The following MTX3 variants were observed in gnomAD, a reference collection of about 807,000 sequenced individuals.
The protein encoded by MTX3 is metaxin-3.
A neutral mutation model predicts 42.5 loss-of-function variants in MTX3; 27 were observed. That is an observed-to-expected ratio of 0.64 (90% CI 0.47 to 0.88). MTX3 has a LOEUF of 0.88. Ranked by LOEUF, MTX3 falls within the 40% of genes least tolerant of loss-of-function variation. MTX3 has a pLI of 0.00. For synonymous variants in MTX3, 144 were observed against 132.9 expected (o/e 1.08, Z -0.57); for missense variants, 378 against 367.0 (o/e 1.03, Z -0.25).
chr5:79,985,935 T>C (rs1426271754), intron 7 of MTX3, among the ~76,000 whole-genome samples: 1 of 110,928 alleles, frequency 9.0e-6, no homozygotes, highest in Non-Finnish European at 2.0e-5. Context: ...TTTTTTTTTT[T>C]TTTTGAAAAA....
chr5:79,983,502 C>T lies in MTX3; in HGVS notation c.*182G>A. On this transcript the variant is annotated 3_prime_UTR_variant, in exon 9 of 9. Coordinates refer to ENST00000512528, the MANE Select transcript of MTX3 (RefSeq NM_001363818.2). ...AGCATTCTCTTTGTTATTAAAAATG[C>T]AGTGCCAAGCTAGAATACAAGCTTC... is the stretch of plus-strand genomic sequence containing the variant. 1 of 533,966 alleles carries T rather than the reference C, an allele frequency of 1.9e-6. No homozygotes were observed. Among genetic ancestry groups the T allele is most frequent in the Non-Finnish European group, 3.4e-6 (1 of 297,870 alleles). The allele number at this position is 533,966 out of a possible 1,614,324, so 33.1% of individuals were successfully genotyped here.
chr5:79,989,084 T>G (rs910780668), intron 4 of MTX3, 68 bp downstream of exon 4: 24 of 1,118,358 alleles, frequency 2.1e-5, no homozygotes, highest in Non-Finnish European at 2.9e-5. Flanking sequence ...TCATTGGTTT[T>G]TTTCTAAACA....
chr5:79,981,318 C>G lies in MTX3; in HGVS notation c.*2366G>C, dbSNP rs557185253. 6.6e-6 allele frequency: 1 copy of G among 152,298 alleles called. No individual in the cohort carries two copies. The highest frequency in any genetic ancestry group is 2.1e-4 in the South Asian group (1 of 4,826). 9.4% of individuals were successfully genotyped at this position (152,298 alleles called of 1,614,324 possible). A position where few individuals can be genotyped will look rare whatever the true frequency, so the allele number is the denominator to read the frequency against. On this transcript the variant is annotated 3_prime_UTR_variant, in exon 9 of 9. Coordinates refer to ENST00000512528, the MANE Select transcript of MTX3 (RefSeq NM_001363818.2). The stretch of plus-strand genomic sequence containing the variant: ...AAGTAACCCAACATATAAACTCTCA[C>G]TAAACTCACATGTTGCATCTTAGAA...
At chr5:79,987,806 T>C (rs1831532538) in intron 6 of MTX3, among the ~76,000 whole-genome samples, 1 of 152,176 alleles carries the variant, frequency 6.6e-6, no homozygotes, top group African/African-American at 2.4e-5. Context: ...GCCCATTAAA[T>C]TTTTTTCTTG....
At chr5:79,986,791 A>G in intron 7 of MTX3, 159 bp downstream of exon 7, 1 of 636,148 alleles carries the variant, frequency 1.6e-6, no homozygotes, top group East Asian at 2.8e-5. Flanking sequence ...TAACATGAGA[A>G]TAAAAATGAA....
At position 79,986,939 on chromosome 5, in the gene MTX3, A is replaced by T; in HGVS notation, c.739+11T>A. On this transcript the variant is annotated intron_variant, in intron 7 of 8. Coordinates refer to ENST00000512528, the MANE Select transcript of MTX3 (RefSeq NM_001363818.2). ...TGCAAACAAACATTAGCTGAAAAAG[A>T]GCCAGCTTACCTCCAAGACTAAGCC... 1.9e-6 allele frequency: 3 copies of T among 1,609,648 alleles called. No homozygotes were observed. The highest frequency in any genetic ancestry group is 2.5e-6 in the Non-Finnish European group (3 of 1,178,048).
At position 79,978,436 on chromosome 5, in the gene MTX3, A is replaced by C. The variant is rs527501035; in HGVS notation, c.*5248T>G. The C allele has an allele frequency of 6.6e-6, 1 of 152,178 alleles. No homozygotes were observed. Among genetic ancestry groups the C allele is most frequent in the Non-Finnish European group, 1.5e-5 (1 of 68,100 alleles). The allele number at this position is 152,178 out of a possible 1,614,324, so 9.4% of individuals were successfully genotyped here. On this transcript the variant is annotated 3_prime_UTR_variant, in exon 9 of 9. Coordinates refer to ENST00000512528, the MANE Select transcript of MTX3 (RefSeq NM_001363818.2). Reference sequence around the variant, plus strand: ...GAAACCCCATCTCTACTAAAAATACAAAAATTAGCTGGGCGTGGTGGCAGG... The same window carrying C: ...GAAACCCCATCTCTACTAAAAATACCAAAATTAGCTGGGCGTGGTGGCAGG...
chr5:79,990,883 GC>G, intron 1 of MTX3: 2 of 708,100 alleles, frequency 2.8e-6, no homozygotes, highest in Non-Finnish European at 5.1e-6. Flanking sequence ...GGGAGGGCGC[GC>G]CCCTTGCTTC....
chr5:79,989,109 G>T, intron 4 of MTX3, 43 bp downstream of exon 4: 1 of 1,343,190 alleles, frequency 7.4e-7, no homozygotes, highest in African/African-American at 1.5e-5. Flanking sequence ...ATGTACATTT[G>T]CAACTAGGCT....
rs1425393128 is a variant in MTX3 at position 79,982,918 on chromosome 5, G to C, written c.*766C>G. On this transcript the variant is annotated 3_prime_UTR_variant, in exon 9 of 9. Transcript: ENST00000512528. ...TTCACTTCTTCTGGAATTAATACAA[G>C]AAAGACAACTGAAGATGTACTACAA... 5.8e-5 allele frequency: 9 copies of C among 154,510 alleles called. No homozygotes were observed. Among genetic ancestry groups the C allele is most frequent in the Admixed American group, 1.9e-4 (3 of 15,694 alleles). 9.6% of individuals were successfully genotyped at this position (154,510 alleles called of 1,614,324 possible). A position where few individuals can be genotyped will look rare whatever the true frequency, so the allele number is the denominator to read the frequency against.
At chr5:79,988,130 T>C (rs923591163) in intron 6 of MTX3, 109 bp downstream of exon 6, 40 of 708,362 alleles carry the variant, frequency 5.6e-5, no homozygotes, top group Non-Finnish European at 9.2e-5. Context: ...TCTTGTTTTT[T>C]TTAAGTAAAA....
rs901836760 is a variant in MTX3 at position 79,982,149 on chromosome 5, G to A, written c.*1535C>T. 1.6e-5 allele frequency: 4 copies of A among 250,096 alleles called. No individual in the cohort carries two copies. Among genetic ancestry groups the A allele is most frequent in the African/African-American group, 6.8e-5 (3 of 44,180 alleles). 15.5% of individuals were successfully genotyped at this position (250,096 alleles called of 1,614,324 possible). A position where few individuals can be genotyped will look rare whatever the true frequency, so the allele number is the denominator to read the frequency against. ...ACACAAACACACACACACACACCCT[G>A]TTGTAGAAGTAATGTGCAACTCATG... On this transcript the variant is annotated 3_prime_UTR_variant, in exon 9 of 9. Transcript: ENST00000512528.
rs1441328474 is a variant in MTX3, at chr5:79,977,512, C to T, written c.*6172G>A. On this transcript the variant is annotated 3_prime_UTR_variant, in exon 9 of 9. Transcript: ENST00000512528. ...TACACCACAACTCAAAACCCACAGGCGAGCTTTCTCTCAAATACACATTCA... is the reference window on the plus strand; with the variant it reads ...TACACCACAACTCAAAACCCACAGGTGAGCTTTCTCTCAAATACACATTCA... The T allele has an allele frequency of 2.6e-5, 4 of 152,214 alleles. No individual in the cohort carries two copies. The highest frequency in any genetic ancestry group is 1.3e-4 in the Admixed American group (2 of 15,282). The allele number at this position is 152,214 out of a possible 1,614,324, so 9.4% of individuals were successfully genotyped here. A position where few individuals can be genotyped will look rare whatever the true frequency, so the allele number is the denominator to read the frequency against.
At chr5:79,986,225 G>A (rs6874255) in intron 7 of MTX3, among the ~76,000 whole-genome samples, 1,789 of 152,170 alleles carry the variant, frequency 0.012, 33 homozygotes, top group African/African-American at 0.04. Context: ...AAGTTAACAC[G>A]GTTGAACATT....
intron 8 of MTX3, among the ~76,000 whole-genome samples, chr5:79,985,063 G>A (rs1395106017): frequency 6.6e-6 from 1 of 152,000 alleles, no homozygotes; most frequent in African/African-American, 2.4e-5. Context: ...CTCACTGCAA[G>A]CTCCGCCTCC....
At chr5:79,984,982 T>G (rs920265184) in intron 8 of MTX3, among the ~76,000 whole-genome samples, 3 of 150,598 alleles carry the variant, frequency 2.0e-5, no homozygotes, top group South Asian at 2.1e-4. Flanking sequence ...TTTTGCTTTG[T>G]TTTTTTTTGT....
Position 79,982,715 on chromosome 5 carries a change from A to G in MTX3, c.*969T>C, listed in dbSNP as rs927739437. The G allele has an allele frequency of 1.4e-5, 3 of 221,562 alleles. No homozygotes were observed. The highest frequency in any genetic ancestry group is 2.8e-5 in the Non-Finnish European group (3 of 108,996). The allele number at this position is 221,562 out of a possible 1,614,324, so 13.7% of individuals were successfully genotyped here. ...GTCAGAAAGCTTTTGACTACATGAT[A>G]TGCATCTTATGAAAGAATATGCATC... On this transcript the variant is annotated 3_prime_UTR_variant, in exon 9 of 9. Coordinates refer to ENST00000512528, the MANE Select transcript of MTX3 (RefSeq NM_001363818.2).
chr5:79,989,025 G>A (rs989222690), intron 4 of MTX3, 127 bp downstream of exon 4: 13 of 610,740 alleles, frequency 2.1e-5, no homozygotes, highest in Non-Finnish European at 3.3e-5. Context: ...ACAGTAATAT[G>A]AAGGAATTAA....
At position 79,979,002 on chromosome 5, in the gene MTX3, C is replaced by G. The variant is rs958592338; in HGVS notation, c.*4682G>C. On this transcript the variant is annotated 3_prime_UTR_variant, in exon 9 of 9. Coordinates refer to ENST00000512528, the MANE Select transcript of MTX3 (RefSeq NM_001363818.2). ...CAACTCGAGTTACCCTTTCTGATAC[C>G]TTTGTTCAAGAATGTTAATTCTTAT... 3 of 152,534 alleles carry G rather than the reference C, an allele frequency of 2.0e-5. No individual in the cohort carries two copies. Among genetic ancestry groups the G allele is most frequent in the African/African-American group, 7.2e-5 (3 of 41,406 alleles). The allele number at this position is 152,534 out of a possible 1,614,324, so 9.4% of individuals were successfully genotyped here.
Sources: gnomAD v4.1 joint callset for allele counts (sites outside exome capture counted in the v4.1 genomes callset) on GRCh38, gnomAD v4.1.1 for gene constraint, MANE v1.5 for transcripts, NCBI Gene and HGNC (gene_info 2026-07-23, HGNC 2026-07-21) for gene names.